The following ZCCHC2 variants were observed in gnomAD, a reference collection of about 807,000 sequenced individuals.
ZCCHC2 encodes zinc finger CCHC domain-containing protein 2.
ZCCHC2 carries 39 observed loss-of-function variants against 103.6 expected under a neutral mutation model. The ratio of observed to expected loss-of-function variants is 0.38; its 90% CI spans 0.29 to 0.49. ZCCHC2 has a LOEUF of 0.49. Among genes scored for constraint, ZCCHC2 ranks in the 20% least tolerant of loss-of-function variants. The pLI is 0.96. For synonymous variants in ZCCHC2, 687 were observed against 608.9 expected (o/e 1.13, Z -1.89); for missense variants, 1,483 against 1,491.0 (o/e 0.99, Z 0.09).
intron 11 of ZCCHC2, among the ~76,000 whole-genome samples, chr18:62,565,419 C>A (rs1240335502): frequency 6.6e-6 from 1 of 152,114 alleles, no homozygotes; most frequent in African/African-American, 2.4e-5. Flanking sequence ...CATGGGAGAT[C>A]TCTCCTGTGG....
intron 12 of ZCCHC2, among the ~76,000 whole-genome samples, chr18:62,570,899 C>T (rs117523726): frequency 5.9e-5 from 9 of 152,276 alleles, no homozygotes; most frequent in South Asian, 2.1e-4. Flanking sequence ...TTCAGTTCCT[C>T]GTTGCACAGA....
Position 62,526,862 on chromosome 18 carries a change from C to A in ZCCHC2, c.939+2499C>A, listed in dbSNP as rs1056883220. 4 of 152,090 alleles carry A rather than the reference C, an allele frequency of 2.6e-5. No individual in the cohort carries two copies. The East Asian group carries it at 5.8e-4, about 22-fold the overall frequency. 9.4% of individuals were successfully genotyped at this position (152,090 alleles called of 1,614,324 possible). A position where few individuals can be genotyped will look rare whatever the true frequency, so the allele number is the denominator to read the frequency against. On this transcript the variant is annotated intron_variant, in intron 1 of 13. Coordinates refer to ENST00000269499, the MANE Select transcript of ZCCHC2 (RefSeq NM_017742.6). ...ACCGGCGCGCCGGCCCCGCCCCCGG[C>A]GCCCTTTTGGCCTCTTCCCGCGGAG...
At chr18:62,560,249 G>A (rs927472120) in intron 7 of ZCCHC2, 3 of 183,844 alleles carry the variant, frequency 1.6e-5, no homozygotes, top group Admixed American at 5.9e-5. Flanking sequence ...AATAGATACA[G>A]GTTTGAATGT....
At position 62,570,222 on chromosome 18, in the gene ZCCHC2, A is replaced by G. The variant is rs985935778; in HGVS notation, c.1966A>G (p.Lys656Glu). The G allele has an allele frequency of 3.1e-6, 5 of 1,611,556 alleles. No individual in the cohort carries two copies. The highest frequency in any genetic ancestry group is 1.7e-5 in the Admixed American group (1 of 59,718). The stretch of plus-strand genomic sequence containing the variant: ...AGAAAGTTTTGAAAGTGAAGAAGAG[A>G]AAGACAGAGGTTTGCTCTTTGAAGT... ...GRESFESEEE[K>E]DRDTDSNSED... is the part of the protein sequence containing the mutation. The change falls in exon 12 of 14, where the codon AAA (lysine) becomes GAA (glutamate). Residue 656 changes from lysine (K) to glutamate (E), a missense_variant. Physicochemically the swap from Lys to Glu is moderately conservative, Grantham distance 56. Transcript: ENST00000269499.
At chr18:62,545,242 C>T (rs759658459) in intron 4 of ZCCHC2, among the ~76,000 whole-genome samples, 3 of 151,976 alleles carry the variant, frequency 2.0e-5, no homozygotes, top group Non-Finnish European at 4.4e-5. Flanking sequence ...AAAAAGGAAC[C>T]CTGTTCCTAG....
intron 8 of ZCCHC2, among the ~76,000 whole-genome samples, chr18:62,561,417 TTC>T (rs1361027770): frequency 6.6e-6 from 1 of 152,230 alleles, no homozygotes; most frequent in East Asian, 1.9e-4. Context: ...CGTCTGTGAT[TTC>T]TTACTCATAC....
chr18:62,530,200 A>G (rs1914620769), intron 1 of ZCCHC2, among the ~76,000 whole-genome samples: 2 of 152,172 alleles, frequency 1.3e-5, no homozygotes, highest in Non-Finnish European at 2.9e-5. Context: ...AGAGTGTCAT[A>G]GAGGCTATGA....
At chr18:62,551,924 G>A (rs776137904) in intron 5 of ZCCHC2, 2 of 152,148 alleles carry the variant, frequency 1.3e-5, no homozygotes, top group Non-Finnish European at 2.9e-5. Flanking sequence ...ATTTCCTGAG[G>A]TAGAGCAGAG....
intron 2 of ZCCHC2, among the ~76,000 whole-genome samples, chr18:62,541,496 G>T (rs921706649): frequency 1.3e-5 from 2 of 151,936 alleles, no homozygotes; most frequent in Non-Finnish European, 2.9e-5. Context: ...TTCCTCTAAG[G>T]CAAAATGAAT....
In ZCCHC2 at chr18:62,524,129, C is replaced by G. The variant is rs1381184125; in HGVS notation, c.705C>G (p.Gly235=). ...GCGAGCAGGACGCCGAGAAGGACGG[C>G]TCAGGCCCGGAAGGCGGCATTGTGG... The part of the protein sequence containing the change: ...GDGEQDAEKD[G]SGPEGGIVEP... Residue 235 remains glycine (G), a synonymous_variant, in exon 1 of 14, where the codon GGC becomes GGG. Transcript: ENST00000269499. 14 of 1,539,968 alleles carry G rather than the reference C, an allele frequency of 9.1e-6. No homozygotes were observed. The South Asian group carries it at 1.7e-4, about 18-fold the overall frequency.
intron 10 of ZCCHC2, 128 bp downstream of exon 10, chr18:62,564,763 T>C (rs1568554225): frequency 1.2e-6 from 1 of 822,674 alleles, no homozygotes; most frequent in African/African-American, 1.7e-5. Context: ...TTTTACTCTT[T>C]TGGTTCAAAA....
chr18:62,585,110 CG>C, exon 15 of ZCCHC2: 1 of 152,272 alleles, frequency 6.6e-6, no homozygotes, highest in Middle Eastern at 3.4e-3. Context: ...TTTGAGGACG[CG>C]GGAGGGTGAA....
Position 62,523,376 on chromosome 18 carries a change from G to GGGGCCC in ZCCHC2, c.-49_-48insGGGCCC. 9.9e-7 allele frequency: 1 copy of GGGGCCC among 1,012,350 alleles called. No homozygotes were observed. Among genetic ancestry groups the GGGGCCC allele is most frequent in the Non-Finnish European group, 1.2e-6 (1 of 848,986 alleles). 62.7% of individuals were successfully genotyped at this position (1,012,350 alleles called of 1,614,324 possible). ...GCCTCGGCCCGTGCTCCACCTCGCG[G>GGGGCCC]CCCCTCCCGCCCGCCCCCGCTCGCA... On this transcript the variant is annotated 5_prime_UTR_variant, in exon 1 of 14. Coordinates refer to ENST00000269499, the MANE Select transcript of ZCCHC2 (RefSeq NM_017742.6).
chr18:62,562,213 G>A (rs1210219375), intron 8 of ZCCHC2, among the ~76,000 whole-genome samples: 1 of 152,084 alleles, frequency 6.6e-6, no homozygotes, highest in Admixed American at 6.5e-5. Flanking sequence ...TGTTGGCCAG[G>A]ATGGTCTCGA....
intron 4 of ZCCHC2, among the ~76,000 whole-genome samples, chr18:62,546,796 A>G (rs1915432378): frequency 6.6e-6 from 1 of 152,228 alleles, no homozygotes; most frequent in Non-Finnish European, 1.5e-5. Context: ...TAGCTGCTTT[A>G]AAACAAATAC....
Position 62,542,571 on chromosome 18 carries a change from C to G in ZCCHC2, c.1125C>G (p.Phe375Leu), listed in dbSNP as rs748832027. 2.6e-6 allele frequency: 4 copies of G among 1,558,446 alleles called. No homozygotes were observed. The highest frequency in any genetic ancestry group is 3.5e-6 in the Non-Finnish European group (4 of 1,149,990). ...KRADKYWEYT[F>L]KVNWSDLSVT... ...CTGACAAATACTGGGAGTACACTTT[C>G]AAAGTAAGCCATTTTCCCCACAAAA... The change falls in exon 3 of 14, where the codon TTC (phenylalanine) becomes TTG (leucine). Residue 375 changes from phenylalanine to leucine, a missense_variant. Coordinates refer to ENST00000269499, the MANE Select transcript of ZCCHC2 (RefSeq NM_017742.6).
Position 62,570,197 on chromosome 18 carries a change from A to T in ZCCHC2, c.1941A>T (p.Arg647Ser). 6.2e-7 allele frequency: 1 copy of T among 1,611,844 alleles called. No individual in the cohort carries two copies. The highest frequency in any genetic ancestry group is 8.5e-7 in the Non-Finnish European group (1 of 1,178,882). The change falls in exon 12 of 14, where the codon AGA becomes AGT. Residue 647 changes from arginine to serine, a missense_variant. By Grantham distance (110) the Arg-to-Ser change is moderately radical. Around this residue, in one of 3 missense-constraint regions of ZCCHC2, gnomAD observed 884 missense variants for 907.5 expected, o/e 0.97. Transcript: ENST00000269499. The part of the protein sequence containing the change: ...SSPSSPRHDG[R>S]ESFESEEEKD... ...CATCTAGTCCCCGACATGATGGAAG[A>T]GAAAGTTTTGAAAGTGAAGAAGAGA... is the stretch of plus-strand genomic sequence containing the variant.
At chr18:62,524,625 T>C in intron 1 of ZCCHC2, 1 of 464,280 alleles carries the variant, frequency 2.2e-6, no homozygotes, top group Non-Finnish European at 3.6e-6. Flanking sequence ...CGTGCCACGG[T>C]GTTGCCACGG....
In ZCCHC2 at chr18:62,558,625, T is replaced by C. The variant is rs997736827; in HGVS notation, c.1409-62T>C. The C allele has an allele frequency of 4.0e-6, 4 of 994,386 alleles. No homozygotes were observed. The African/African-American group carries it at 5.0e-5, about 13-fold the overall frequency. 61.6% of individuals were successfully genotyped at this position (994,386 alleles called of 1,614,324 possible). On this transcript the variant is annotated intron_variant, in intron 6 of 13. Coordinates refer to ENST00000269499, the MANE Select transcript of ZCCHC2 (RefSeq NM_017742.6). ...TTTCCTTAGGTAAAAAAACAATTAT[T>C]ATATTTGTTTTCTTTATTTTAATTT...
Sources: allele counts gnomAD v4.1 joint callset (sites outside exome capture counted in the v4.1 genomes callset), GRCh38; gene constraint gnomAD v4.1.1; regional missense constraint gnomAD v4.1.1; transcripts MANE v1.5; gene names NCBI Gene and HGNC (gene_info 2026-07-23, HGNC 2026-07-21).